Variants in ARHGEF4 observed in about 807,000 individuals in gnomAD.
ARHGEF4 encodes APC-stimulated guanine nucleotide exchange factor 1.
A neutral mutation model predicts 162.0 loss-of-function variants in ARHGEF4; 119 were observed. That is an observed-to-expected ratio of 0.73 (90% CI 0.63 to 0.86). The LOEUF (loss-of-function observed/expected upper bound fraction) is 0.86. ARHGEF4 is among the 40% of genes least tolerant of loss of function. The pLI is 0.00. For missense variants in ARHGEF4, 2,488 were observed against 2,456.0 expected (o/e 1.01, Z -0.28); for synonymous variants, 1,014 against 979.9 (o/e 1.03, Z -0.65).
At chr2:130,889,654 TAC>T (rs1559022200) in intron 1 of ARHGEF4, among the ~76,000 whole-genome samples, 1 of 150,640 alleles carries the variant, frequency 6.6e-6, no homozygotes, top group African/African-American at 2.5e-5. Context: ...CTACTAAAAA[TAC>T]AAAAAATTAG....
At chr2:130,988,299 A>C (rs918574786) in intron 4 of ARHGEF4, among the ~76,000 whole-genome samples, 4 of 151,908 alleles carry the variant, frequency 2.6e-5, no homozygotes, top group African/African-American at 9.7e-5. Flanking sequence ...GACCAGACTC[A>C]CAGCTCCAAG....
chr2:131,039,809 A>T, intron 6 of ARHGEF4: 2 of 1,409,604 alleles, frequency 1.4e-6, no homozygotes, highest in Non-Finnish European at 1.8e-6. Context: ...GATCACACTG[A>T]CGGCGGCTGC....
chr2:130,963,753 A>G (rs1267109741), intron 4 of ARHGEF4: 2 of 146,358 alleles, frequency 1.4e-5, no homozygotes, highest in East Asian at 2.0e-4. Context: ...GTGGGCAGCG[A>G]GCTGACGCGC....
At chr2:130,999,462 G>T (rs528399932) in intron 4 of ARHGEF4, among the ~76,000 whole-genome samples, 3 of 151,906 alleles carry the variant, frequency 2.0e-5, no homozygotes, top group Non-Finnish European at 4.4e-5. Context: ...GGCCATAATC[G>T]AGTTTTAAGA....
rs142993475 is a variant in ARHGEF4 at position 130,856,958 on chromosome 2, C to T, written c.39+19966C>T. 2.0e-5 allele frequency among the ~76,000 whole-genome samples: 3 copies of T among 152,294 alleles called. No individual in the cohort carries two copies. In the South Asian group the frequency reaches 6.2e-4, roughly 32 times the overall value. On this transcript the variant is annotated intron_variant, in intron 1 of 13. Coordinates refer to ENST00000409359, the MANE Select transcript of ARHGEF4 (RefSeq NM_001367493.1). ...TTAACATAGGCTGGGTGCAGTGGCT[C>T]ACGCCTGTAATCCCAGCACTTTGGG...
Position 130,979,734 on chromosome 2 carries a change from TAAAA to T in ARHGEF4, c.3985+33118_3985+33121del, listed in dbSNP as rs776769283. 8.5e-3 allele frequency among the ~76,000 whole-genome samples: 788 copies of T among 92,710 alleles called. 9 individuals are homozygous for T. The highest frequency in any genetic ancestry group is 0.031 in the African/African-American group (758 of 24,738). The allele number at this position is 92,710 out of a possible 152,430, so 60.8% of individuals were successfully genotyped here. A position where few individuals can be genotyped will look rare whatever the true frequency, so the allele number is the denominator to read the frequency against. ...CTCGGTGACAAAGCAAGACTCCATC[TAAAA>T]AAAAAAAAAAAAAAAAAACCTGAAA... is the stretch of plus-strand genomic sequence containing the variant. On this transcript the variant is annotated intron_variant, in intron 4 of 13. Transcript: ENST00000409359.
chr2:130,864,072 G>C (rs972604224), intron 1 of ARHGEF4, among the ~76,000 whole-genome samples: 7 of 151,540 alleles, frequency 4.6e-5, no homozygotes, highest in Non-Finnish European at 1.0e-4. Flanking sequence ...TGTAGTCCCA[G>C]CTACTCGGGA....
At chr2:130,927,781 G>T (rs4502464) in intron 2 of ARHGEF4, among the ~76,000 whole-genome samples, 123,575 of 152,076 alleles carry the variant, frequency 0.81, 51,759 homozygotes, top group East Asian at 1. Context: ...CTTTCTTCTC[G>T]CCACCATTCA....
intron 1 of ARHGEF4, among the ~76,000 whole-genome samples, chr2:130,913,586 A>G (rs1340344177): frequency 6.6e-6 from 1 of 152,202 alleles, no homozygotes; most frequent in Non-Finnish European, 1.5e-5. Flanking sequence ...AAGGGCATTG[A>G]CTTTAAACCA....
At chr2:131,019,277 T>C (rs1002865512) in intron 4 of ARHGEF4, among the ~76,000 whole-genome samples, 2 of 151,964 alleles carry the variant, frequency 1.3e-5, no homozygotes, top group African/African-American at 4.8e-5. Context: ...CTCGGTGTGG[T>C]GTCACATGCC....
intron 4 of ARHGEF4, among the ~76,000 whole-genome samples, chr2:130,955,771 C>T (rs1023398104): frequency 6.6e-6 from 1 of 152,198 alleles, no homozygotes; most frequent in South Asian, 2.1e-4. Flanking sequence ...AGAAGGGCTC[C>T]TCCCAGCTAC....
At chr2:130,938,769 C>T (rs547184426) in intron 3 of ARHGEF4, among the ~76,000 whole-genome samples, 3 of 152,112 alleles carry the variant, frequency 2.0e-5, no homozygotes, top group African/African-American at 2.4e-5. Context: ...CAATTTTTTT[C>T]GTTTATGGAT....
At position 130,836,982 on chromosome 2, in the gene ARHGEF4, G is replaced by A; in HGVS notation, c.29G>A (p.Ser10Asn). The change falls in exon 1 of 14, where the codon AGC becomes AAC. Residue 10 changes from serine (S) to asparagine (N), a missense_variant. This residue lies in a region of ARHGEF4 where 171 missense variants were observed against 169.4 expected (regional missense o/e 1.01). Coordinates refer to ENST00000409359, the MANE Select transcript of ARHGEF4 (RefSeq NM_001367493.1). ...CTCAGCGTCGTGCACTTCCTCCGGA[G>A]CTTCTTCAAGGTGAGAGCCGGCGTC... The part of the protein sequence containing the change: MLSVVHFLR[S>N]FFKTPEPGAH... The A allele has an allele frequency of 8.1e-7, 1 of 1,227,214 alleles. No individual in the cohort carries two copies. The highest frequency in any genetic ancestry group is 1.6e-5 in the African/African-American group (1 of 64,222). 76.0% of individuals were successfully genotyped at this position (1,227,214 alleles called of 1,614,324 possible).
chr2:130,999,277 T>C (rs1266714323), intron 4 of ARHGEF4, among the ~76,000 whole-genome samples: 3 of 151,638 alleles, frequency 2.0e-5, no homozygotes, highest in Admixed American at 2.0e-4. Flanking sequence ...GACTCAGCCT[T>C]CCAACTAGCT....
chr2:130,869,841 G>A (rs1678340472), intron 1 of ARHGEF4, among the ~76,000 whole-genome samples: 1 of 152,216 alleles, frequency 6.6e-6, no homozygotes. Context: ...TGTGTTTTCG[G>A]TGTTAAGCTT....
At chr2:130,994,127 C>T (rs1284664418) in intron 4 of ARHGEF4, among the ~76,000 whole-genome samples, 4 of 152,174 alleles carry the variant, frequency 2.6e-5, no homozygotes, top group Non-Finnish European at 4.4e-5. Context: ...GTCTCATAAA[C>T]AGCAAGTGAG....
chr2:130,953,719 A>C (rs1684096607), intron 4 of ARHGEF4, among the ~76,000 whole-genome samples: 2 of 152,222 alleles, frequency 1.3e-5, no homozygotes, highest in Admixed American at 1.3e-4. Context: ...AGAAAAAAAC[A>C]ACCCTGTCAA....
At chr2:130,874,147 G>A (rs78631168) in intron 1 of ARHGEF4, among the ~76,000 whole-genome samples, 1,653 of 152,266 alleles carry the variant, frequency 0.011, 12 homozygotes, top group Non-Finnish European at 0.016. Context: ...CTCACCCCAC[G>A]CTGGGGGATC....
chr2:131,013,207 C>G (rs1214710012), intron 4 of ARHGEF4, among the ~76,000 whole-genome samples: 1 of 152,198 alleles, frequency 6.6e-6, no homozygotes, highest in Non-Finnish European at 1.5e-5. Flanking sequence ...GTGCCCAGCT[C>G]TCACCAGCCT....
Sources: gnomAD v4.1 joint callset for allele counts (sites outside exome capture counted in the v4.1 genomes callset) on GRCh38, gnomAD v4.1.1 for gene constraint, gnomAD v4.1.1 regional missense constraint, MANE v1.5 for transcripts, NCBI Gene and HGNC (gene_info 2026-07-23, HGNC 2026-07-21) for gene names.